VPS26A: variants seen among roughly 807,000 people sequenced by gnomAD.
The protein encoded by VPS26A is VPS26 retromer complex component A, also known as vacuolar protein sorting-associated protein 26A.
VPS26A carries 22 observed loss-of-function variants against 42.4 expected under a neutral mutation model. The observed-to-expected ratio is 0.52, with a 90% CI of 0.37 to 0.74. VPS26A has a LOEUF of 0.74. VPS26A is among the 30% of genes least tolerant of loss of function. VPS26A has a pLI of 0.00. For missense variants in VPS26A, 276 were observed against 379.2 expected (o/e 0.73, Z 2.26); for synonymous variants, 110 against 123.5 (o/e 0.89, Z 0.73).
chr10:69,126,290 C>T (rs911439376), intron 1 of VPS26A, among the ~76,000 whole-genome samples: 2 of 152,150 alleles, frequency 1.3e-5, no homozygotes, highest in South Asian at 2.1e-4. Context: ...GGCGAAACCC[C>T]GTCTTCACTA....
chr10:69,162,272 G>A, intron 5 of VPS26A, 134 bp from the exon 6 acceptor site: 1 of 494,528 alleles, frequency 2.0e-6, no homozygotes, highest in South Asian at 3.2e-5. Flanking sequence ...TTACAGGCAA[G>A]AGCCACTGTG....
intron 2 of VPS26A, among the ~76,000 whole-genome samples, chr10:69,147,906 A>T (rs1453530127): frequency 6.6e-6 from 1 of 151,636 alleles, no homozygotes; most frequent in East Asian, 1.9e-4. Flanking sequence ...TAGAGACAGG[A>T]TTTCGCCATT....
chr10:69,158,980 A>T (rs550718027), intron 5 of VPS26A, among the ~76,000 whole-genome samples: 13 of 152,370 alleles, frequency 8.5e-5, no homozygotes, highest in African/African-American at 3.1e-4. Flanking sequence ...TCTCAGAAAC[A>T]TTACTTACAT....
chr10:69,143,382 A>G (rs1419292889), intron 2 of VPS26A, among the ~76,000 whole-genome samples: 1 of 152,094 alleles, frequency 6.6e-6, no homozygotes, highest in Non-Finnish European at 1.5e-5. Flanking sequence ...AAAATCTTTC[A>G]TATATTAGAT....
intron 2 of VPS26A, 98 bp from the exon 3 acceptor site, chr10:69,155,714 A>G: frequency 2.3e-6 from 2 of 874,608 alleles, no homozygotes; most frequent in Admixed American, 2.5e-5. Flanking sequence ...ATAAATGAAT[A>G]CCTGAAATAT....
At chr10:69,149,734 G>GTTTTTTTTTTTTTTTTTT (rs869048277) in intron 2 of VPS26A, among the ~76,000 whole-genome samples, 1 of 21,402 alleles carries the variant, frequency 4.7e-5, no homozygotes, top group Non-Finnish European at 1.7e-4. Context: ...GGTGTTTTTT[G>GTTTTTTTTTTTTTTTTTT]TTTTTTTTTT....
chr10:69,148,563 A>G (rs962214972), intron 2 of VPS26A, among the ~76,000 whole-genome samples: 3 of 152,222 alleles, frequency 2.0e-5, no homozygotes, highest in African/African-American at 7.2e-5. Context: ...TAATATACAG[A>G]TAATTTGGTG....
At chr10:69,165,929 G>A in intron 6 of VPS26A, 113 bp from the exon 7 acceptor site, 1 of 1,012,780 alleles carries the variant, frequency 9.9e-7, no homozygotes, top group Non-Finnish European at 1.5e-6. Flanking sequence ...TTGGGTGATG[G>A]AGCGAGACAC....
chr10:69,148,210 G>T (rs1455075076), intron 2 of VPS26A, among the ~76,000 whole-genome samples: 3 of 152,168 alleles, frequency 2.0e-5, no homozygotes, highest in African/African-American at 7.2e-5. Flanking sequence ...TATTTTAGAA[G>T]TCAATTTTCA....
intron 2 of VPS26A, among the ~76,000 whole-genome samples, chr10:69,151,264 C>CAAAAAAAAAACAAAAAAAAA (rs1841299319): frequency 3.3e-5 from 1 of 30,414 alleles, no homozygotes; most frequent in African/African-American, 1.2e-4. Context: ...GACTCCATGT[C>CAAAAAAAAAACAAAAAAAAA]AAAAAAAAAA....
intron 6 of VPS26A, among the ~76,000 whole-genome samples, 155 bp from the exon 7 acceptor site, chr10:69,165,887 G>A (rs1210507561): frequency 2.0e-5 from 3 of 152,024 alleles, no homozygotes; most frequent in South Asian, 2.1e-4. Context: ...TTGAGGCTGC[G>A]GCAAGCCATG....
At chr10:69,133,091 G>T (rs1474991645) in intron 2 of VPS26A, 44 bp downstream of exon 2, 1 of 1,574,358 alleles carries the variant, frequency 6.4e-7, no homozygotes, top group Admixed American at 2.0e-5. Context: ...TAAGATATCA[G>T]AATTAGTTAT....
chr10:69,155,906 T>G lies in VPS26A; in HGVS notation c.229+19T>G. Reference sequence around the variant, plus strand: ...CAAATTGGTGAGTTTTAAAATAGTATTATTTCTTTTTCTTTGATAACTGAA... The same window carrying G: ...CAAATTGGTGAGTTTTAAAATAGTAGTATTTCTTTTTCTTTGATAACTGAA... On this transcript the variant is annotated intron_variant, in intron 3 of 8. Coordinates refer to ENST00000263559, the MANE Select transcript of VPS26A (RefSeq NM_004896.5). 3 of 1,567,748 alleles carry G rather than the reference T, an allele frequency of 1.9e-6. No homozygotes were observed. Among genetic ancestry groups the G allele is most frequent in the Non-Finnish European group, 2.6e-6 (3 of 1,150,104 alleles).
intron 6 of VPS26A, among the ~76,000 whole-genome samples, chr10:69,164,244 G>A (rs1255540257): frequency 1.4e-5 from 2 of 147,772 alleles, no homozygotes; most frequent in African/African-American, 4.9e-5. Flanking sequence ...TTGAGACAGG[G>A]TCTCACACTG....
chr10:69,136,844 T>C (rs2132195055), intron 2 of VPS26A, among the ~76,000 whole-genome samples: 1 of 151,980 alleles, frequency 6.6e-6, no homozygotes, highest in East Asian at 1.9e-4. Flanking sequence ...CAGGCTGGAG[T>C]GCGATGGCGT....
At position 69,173,509 on chromosome 10, in the gene VPS26A, C is replaced by G. The variant is rs572917907; in HGVS notation, c.*2240C>G. Among the ~76,000 whole-genome samples, 82 of 152,206 alleles carry G rather than the reference C, an allele frequency of 5.4e-4. No individual in the cohort carries two copies. The highest frequency in any genetic ancestry group is 1.8e-3 in the African/African-American group (75 of 41,528). On this transcript the variant is annotated 3_prime_UTR_variant, in exon 9 of 9. Transcript: ENST00000263559. The stretch of plus-strand genomic sequence containing the variant: ...TGGTGGCATGCACCTGTATTTCCAG[C>G]TATTTAGGAAGCTGAGACAGGAAGA...
At position 69,168,254 on chromosome 10, in the gene VPS26A, G is replaced by C. The variant is rs12248866; in HGVS notation, c.728-235G>C. ...ATTTGGAGAGTACTACTGGTATCTA[G>C]TGGGTAGAGGCCAGGGTTGCTGCTA... On this transcript the variant is annotated intron_variant, in intron 7 of 8. Coordinates refer to ENST00000263559, the MANE Select transcript of VPS26A (RefSeq NM_004896.5). 2.9e-3 allele frequency among the ~76,000 whole-genome samples: 445 copies of C among 152,282 alleles called. 6 individuals are homozygous for C. The highest frequency in any genetic ancestry group is 0.01 in the African/African-American group (418 of 41,554).
intron 2 of VPS26A, among the ~76,000 whole-genome samples, chr10:69,151,451 C>CAAAA (rs150296063): frequency 2.8e-5 from 3 of 105,448 alleles, no homozygotes; most frequent in African/African-American, 4.1e-5. Flanking sequence ...GACTCCGTCT[C>CAAAA]AAAAAAAAAA....
Position 69,138,220 on chromosome 10 carries a change from A to G in VPS26A, c.153+5173A>G, listed in dbSNP as rs940028990. On this transcript the variant is annotated intron_variant, in intron 2 of 8. Transcript: ENST00000263559. Reference sequence around the variant, plus strand: ...GTATATCATTGTTTTTTATTGATGAATAGTATTCCATTTTATGGCTATACC... The same window carrying G: ...GTATATCATTGTTTTTTATTGATGAGTAGTATTCCATTTTATGGCTATACC... Among the ~76,000 whole-genome samples, 7 of 152,180 alleles carry G rather than the reference A, an allele frequency of 4.6e-5. No individual in the cohort carries two copies. The East Asian group carries it at 1.2e-3, about 25-fold the overall frequency.
Sources: gnomAD v4.1 joint callset for allele counts (sites outside exome capture counted in the v4.1 genomes callset) on GRCh38, gnomAD v4.1.1 for gene constraint, MANE v1.5 for transcripts, NCBI Gene and HGNC (gene_info 2026-07-23, HGNC 2026-07-21) for gene names.